Variants in PIK3CB observed in about 807,000 individuals in gnomAD.
PIK3CB encodes the protein phosphatidylinositol-4,5-bisphosphate 3-kinase catalytic subunit beta.
Under a neutral mutation model 136.8 loss-of-function variants are expected in PIK3CB, and 39 were observed. That is an observed-to-expected ratio of 0.29 (90% CI 0.22 to 0.37). The LOEUF (loss-of-function observed/expected upper bound fraction) is 0.37, where lower values mean the gene tolerates loss of function less well. PIK3CB is among the 10% of genes least tolerant of loss of function. PIK3CB has a pLI of 1.00. For missense variants in PIK3CB, 868 were observed against 1,275.4 expected (o/e 0.68, Z 4.87); for synonymous variants, 428 against 436.6 (o/e 0.98, Z 0.25).
chr3:138,707,549 T>C (rs919312667), intron 10 of PIK3CB: 12 of 1,207,878 alleles, frequency 9.9e-6, no homozygotes, highest in Non-Finnish European at 1.1e-5. Context: ...CAAATTTAGT[T>C]CTCAATCTTG....
intron 1 of PIK3CB, among the ~76,000 whole-genome samples, chr3:138,827,312 G>T (rs368393875): frequency 2.6e-4 from 39 of 152,210 alleles, no homozygotes; most frequent in African/African-American, 9.4e-4. Flanking sequence ...CTAAAGGCTT[G>T]GTCTTTTCAG....
intron 1 of PIK3CB, among the ~76,000 whole-genome samples, chr3:138,819,537 GA>G (rs1350903708): frequency 2.0e-5 from 3 of 152,164 alleles, no homozygotes; most frequent in African/African-American, 7.2e-5. Flanking sequence ...TGTGTAAAAT[GA>G]AGTTAGGATT....
chr3:138,683,938 A>G (rs1421608212), intron 17 of PIK3CB, 151 bp from the exon 18 acceptor site: 3 of 583,340 alleles, frequency 5.1e-6, no homozygotes, highest in African/African-American at 1.9e-5. Context: ...ACTTGGTAGA[A>G]AAGCAACCAT....
intron 12 of PIK3CB, 123 bp downstream of exon 12, chr3:138,704,320 C>G: frequency 1.4e-6 from 1 of 735,918 alleles, no homozygotes; most frequent in Non-Finnish European, 2.4e-6. Flanking sequence ...TACTTACCCA[C>G]ACTCACAGAC....
intron 2 of PIK3CB, among the ~76,000 whole-genome samples, chr3:138,795,010 C>T (rs778952206): frequency 6.6e-6 from 1 of 151,634 alleles, no homozygotes; most frequent in Admixed American, 6.6e-5. Flanking sequence ...CAGACTGAGA[C>T]CCCATTTTCT....
intron 10 of PIK3CB, among the ~76,000 whole-genome samples, chr3:138,711,951 T>TA (rs1418683062): frequency 4.0e-5 from 6 of 149,546 alleles, no homozygotes; most frequent in East Asian, 3.9e-4. Context: ...CTCGACAAAA[T>TA]AAAAAAAAAT....
chr3:138,688,645 G>A (rs2043945594), intron 16 of PIK3CB, among the ~76,000 whole-genome samples: 1 of 152,000 alleles, frequency 6.6e-6, no homozygotes, highest in African/African-American at 2.4e-5. Context: ...TTTGTGCTAA[G>A]TTCATTGAAA....
chr3:138,831,028 G>A (rs1312478654), intron 1 of PIK3CB, among the ~76,000 whole-genome samples: 12 of 142,506 alleles, frequency 8.4e-5, no homozygotes, highest in East Asian at 2.2e-4. Flanking sequence ...CCCGCCTGGA[G>A]TCCCAGCACT....
chr3:138,767,806 C>A (rs2045753189), intron 2 of PIK3CB, among the ~76,000 whole-genome samples: 1 of 152,148 alleles, frequency 6.6e-6, no homozygotes, highest in Non-Finnish European at 1.5e-5. Flanking sequence ...ATGGTGGCAC[C>A]CGGAAGCTTG....
intron 2 of PIK3CB, among the ~76,000 whole-genome samples, chr3:138,767,385 A>C (rs2045746301): frequency 6.6e-6 from 1 of 152,110 alleles, no homozygotes; most frequent in Non-Finnish European, 1.5e-5. Flanking sequence ...ACAAATTTCA[A>C]AACCATCTTT....
intron 4 of PIK3CB, 62 bp downstream of exon 4, chr3:138,755,692 C>T (rs2045552707): frequency 1.3e-6 from 1 of 750,262 alleles, no homozygotes; most frequent in Non-Finnish European, 2.2e-6. Context: ...AATATACTTA[C>T]TATATGTTTA....
rs529487153 is a variant in PIK3CB, at chr3:138,802,513, T to G, written c.-121-5946A>C. Among the ~76,000 whole-genome samples, 41 of 151,362 alleles carry G rather than the reference T, an allele frequency of 2.7e-4. 1 individual carries two copies. The highest frequency in any genetic ancestry group is 4.9e-4 in the Non-Finnish European group (33 of 67,932). ...CTCTATTGAGATATTACAAGTTCCC[T>G]TGCCTGTGGAAAACTCCATTGTTAA... On this transcript the variant is annotated intron_variant, in intron 1 of 23. Coordinates refer to ENST00000674063, the MANE Select transcript of PIK3CB (RefSeq NM_006219.3).
At position 138,817,985 on chromosome 3, in the gene PIK3CB, T is replaced by C. The variant is rs574945738; in HGVS notation, c.-122+16710A>G. Reference sequence around the variant, plus strand: ...AAGGAAAACAAAAGCTATTAAATAATTGAGCTTAAGTCAAGATGGGGCTGG... The same window carrying C: ...AAGGAAAACAAAAGCTATTAAATAACTGAGCTTAAGTCAAGATGGGGCTGG... On this transcript the variant is annotated intron_variant, in intron 1 of 23. Coordinates refer to ENST00000674063, the MANE Select transcript of PIK3CB (RefSeq NM_006219.3). Among the ~76,000 whole-genome samples, 4 of 152,128 alleles carry C rather than the reference T, an allele frequency of 2.6e-5. No homozygotes were observed. The South Asian group carries it at 8.3e-4, about 32-fold the overall frequency.
intron 1 of PIK3CB, among the ~76,000 whole-genome samples, chr3:138,820,381 A>G (rs969384271): frequency 2.6e-5 from 4 of 152,246 alleles, no homozygotes; most frequent in African/African-American, 9.6e-5. Flanking sequence ...AATAAATGTA[A>G]TAACAATGAT....
chr3:138,818,968 T>C (rs997094797), intron 1 of PIK3CB, among the ~76,000 whole-genome samples: 4 of 152,148 alleles, frequency 2.6e-5, no homozygotes, highest in Admixed American at 1.3e-4. Context: ...CATAAAAAGG[T>C]AGTCGAAGCT....
intron 1 of PIK3CB, among the ~76,000 whole-genome samples, chr3:138,805,319 C>G (rs971159584): frequency 1.3e-5 from 2 of 151,470 alleles, no homozygotes; most frequent in African/African-American, 2.4e-5. Flanking sequence ...GGTGACAGAG[C>G]GAGACTCCAT....
chr3:138,812,240 T>C (rs1187082237), intron 1 of PIK3CB, among the ~76,000 whole-genome samples: 1 of 55,244 alleles, frequency 1.8e-5, no homozygotes, highest in East Asian at 2.1e-4. Flanking sequence ...GAATGAGAGG[T>C]TTTTTTTTTT....
At chr3:138,690,772 A>G (rs963185995) in intron 15 of PIK3CB, among the ~76,000 whole-genome samples, 1 of 151,860 alleles carries the variant, frequency 6.6e-6, no homozygotes, top group African/African-American at 2.4e-5. Context: ...TCAAGCAGGC[A>G]TGGAGGGACA....
intron 1 of PIK3CB, among the ~76,000 whole-genome samples, chr3:138,797,772 T>C (rs1026966624): frequency 6.6e-6 from 1 of 152,028 alleles, no homozygotes; most frequent in African/African-American, 2.4e-5. Context: ...TCAATTTTGC[T>C]GTGAACCTAA....
Sources: allele counts gnomAD v4.1 joint callset (sites outside exome capture counted in the v4.1 genomes callset), GRCh38; gene constraint gnomAD v4.1.1; transcripts MANE v1.5; gene names NCBI Gene and HGNC (gene_info 2026-07-23, HGNC 2026-07-21).